Variants in TAF4B observed in about 807,000 individuals in gnomAD.
The protein encoded by TAF4B is transcription initiation factor TFIID subunit 4B.
Under a neutral mutation model 86.4 loss-of-function variants are expected in TAF4B, and 38 were observed. The observed-to-expected ratio is 0.44, with a 90% CI of 0.34 to 0.58. The LOEUF is 0.58. Ranked by LOEUF, TAF4B falls within the 20% of genes least tolerant of loss-of-function variation. The pLI, the probability that TAF4B is intolerant of heterozygous loss-of-function variation, is 0.02. For missense variants in TAF4B, 988 were observed against 1,027.6 expected, an observed-to-expected ratio of 0.96 and a Z score of 0.53; for synonymous variants, 388 against 391.2, an observed-to-expected ratio of 0.99 and a Z score of 0.10.
intron 1 of TAF4B, among the ~76,000 whole-genome samples, chr18:26,238,053 C>G (rs1040184737): frequency 1.3e-5 from 2 of 152,134 alleles, no homozygotes; most frequent in African/African-American, 4.8e-5. Context: ...CCTCCTAGAC[C>G]ACAAAGAGGA....
At chr18:26,354,425 T>G (rs1323405977) in intron 13 of TAF4B, among the ~76,000 whole-genome samples, 2 of 152,224 alleles carry the variant, frequency 1.3e-5, no homozygotes, top group Non-Finnish European at 2.9e-5. Flanking sequence ...GAATAGACTT[T>G]AATCAGCTCC....
At chr18:26,242,777 C>T (rs891450576) in intron 1 of TAF4B, among the ~76,000 whole-genome samples, 28 of 152,166 alleles carry the variant, frequency 1.8e-4, no homozygotes, top group Non-Finnish European at 1.8e-4. Context: ...TAAGGCAGGC[C>T]TGGTGGTGAC....
intron 9 of TAF4B, among the ~76,000 whole-genome samples, chr18:26,303,926 A>G (rs1332340153): frequency 6.6e-6 from 1 of 152,076 alleles, no homozygotes; most frequent in African/African-American, 2.4e-5. Context: ...GTATAATTTT[A>G]TTTATGCAGA....
chr18:26,388,330 C>T (rs1598848256), intron 14 of TAF4B, among the ~76,000 whole-genome samples: 1 of 152,092 alleles, frequency 6.6e-6, no homozygotes, highest in Admixed American at 6.6e-5. Context: ...GTTGTGTTTT[C>T]ATCATTTTAA....
At chr18:26,274,608 C>G (rs1011326273) in intron 3 of TAF4B, 55 bp from the exon 4 acceptor site, 2 of 1,588,860 alleles carry the variant, frequency 1.3e-6, no homozygotes, top group African/African-American at 2.7e-5. Context: ...AAATGAGGCA[C>G]CCACTAATGT....
In TAF4B at chr18:26,234,689, T is replaced by G. The variant is rs370949091; in HGVS notation, c.343+7413T>G. Among the ~76,000 whole-genome samples, 7 of 152,304 alleles carry G rather than the reference T, an allele frequency of 4.6e-5. No homozygotes were observed. The East Asian group carries it at 1.2e-3, about 25-fold the overall frequency. ...TAAGGGGACTTCTAAGAGATCCTCT[T>G]GGGTGGCGTAAGTCTGGGTCACAAT... On this transcript the variant is annotated intron_variant, in intron 1 of 14. Transcript: ENST00000269142.
Position 26,374,384 on chromosome 18 carries a change from C to T in TAF4B, c.2422-15461C>T, listed in dbSNP as rs150079912. ...CTATAATTTAGAGTACTATTACTCT[C>T]CTTAAGTTGTAGTATTCTCACAGGA... On this transcript the variant is annotated intron_variant, in intron 14 of 14. Transcript: ENST00000269142. Among the ~76,000 whole-genome samples the T allele has an allele frequency of 3.2e-4, 48 of 152,312 alleles. No individual in the cohort carries two copies. In the East Asian group the frequency reaches 8.9e-3, roughly 28 times the overall value.
intron 2 of TAF4B, among the ~76,000 whole-genome samples, chr18:26,265,803 T>C (rs1488274099): frequency 6.6e-6 from 1 of 152,172 alleles, no homozygotes; most frequent in African/African-American, 2.4e-5. Flanking sequence ...ATGACAGTCC[T>C]CTTAGCCTCC....
chr18:26,344,295 A>G (rs974162493), intron 13 of TAF4B, among the ~76,000 whole-genome samples: 1 of 151,994 alleles, frequency 6.6e-6, no homozygotes, highest in Non-Finnish European at 1.5e-5. Context: ...AAAGGGACAC[A>G]TCAATAGAAG....
intron 14 of TAF4B, among the ~76,000 whole-genome samples, chr18:26,385,557 A>G (rs1205711659): frequency 7.8e-6 from 1 of 127,582 alleles, no homozygotes; most frequent in African/African-American, 2.5e-5. Context: ...TGGTCGTTTC[A>G]TCTTTCATTT....
intron 5 of TAF4B, among the ~76,000 whole-genome samples, chr18:26,279,329 A>G (rs2056418819): frequency 6.6e-6 from 1 of 152,216 alleles, no homozygotes; most frequent in Non-Finnish European, 1.5e-5. Context: ...GAGGTGAAAG[A>G]TGTCTGCAAG....
chr18:26,335,254 C>T (rs1192268591), intron 13 of TAF4B, 23 bp downstream of exon 13: 2 of 1,608,178 alleles, frequency 1.2e-6, no homozygotes. Context: ...AGTTACCATG[C>T]TTGTCTTTGT....
Position 26,391,545 on chromosome 18 carries a change from A to T in TAF4B, c.*1533A>T, listed in dbSNP as rs952188361. Reference sequence around the variant, plus strand: ...AGGAGTACTTTAAGAAGAGATCTTTATCCAAAGTTGTTTTTGTATATTTAA... The same window carrying T: ...AGGAGTACTTTAAGAAGAGATCTTTTTCCAAAGTTGTTTTTGTATATTTAA... On this transcript the variant is annotated 3_prime_UTR_variant, in exon 15 of 15. Transcript: ENST00000269142. 6.6e-6 allele frequency: 1 copy of T among 152,162 alleles called. No homozygotes were observed. The highest frequency in any genetic ancestry group is 1.5e-5 in the Non-Finnish European group (1 of 68,012). 9.4% of individuals were successfully genotyped at this position (152,162 alleles called of 1,614,324 possible). A position where few individuals can be genotyped will look rare whatever the true frequency, so the allele number is the denominator to read the frequency against.
At chr18:26,282,328 A>C (rs1010135424) in intron 6 of TAF4B, among the ~76,000 whole-genome samples, 8 of 152,228 alleles carry the variant, frequency 5.3e-5, no homozygotes, top group African/African-American at 1.9e-4. Context: ...CAGACATACC[A>C]CAGAGGTACT....
At chr18:26,287,541 G>A (rs1156289272) in intron 7 of TAF4B, among the ~76,000 whole-genome samples, 3 of 152,168 alleles carry the variant, frequency 2.0e-5, no homozygotes, top group African/African-American at 7.2e-5. Context: ...AGAAGGCTAT[G>A]AAAGTATTGT....
rs188809741 is a variant in TAF4B, at chr18:26,301,342, A to G, written c.1832+7811A>G. ...TGCTCTGTTGCCCAGGCTGAAGTACAGTGGCACAATCATAGCTCACTGCAG... is the reference window on the plus strand; with the variant it reads ...TGCTCTGTTGCCCAGGCTGAAGTACGGTGGCACAATCATAGCTCACTGCAG... On this transcript the variant is annotated intron_variant, in intron 9 of 14. Coordinates refer to ENST00000269142, the MANE Select transcript of TAF4B (RefSeq NM_005640.3). Among the ~76,000 whole-genome samples, 99 of 151,416 alleles carry G rather than the reference A, an allele frequency of 6.5e-4. 2 individuals carry two copies. The highest frequency in any genetic ancestry group is 6.2e-3 in the Admixed American group (95 of 15,212).
At chr18:26,311,084 A>T (rs754091188) in intron 9 of TAF4B, among the ~76,000 whole-genome samples, 1 of 152,110 alleles carries the variant, frequency 6.6e-6, no homozygotes, top group South Asian at 2.1e-4. Context: ...GTTTCATACT[A>T]GGAAAAAAGC....
At chr18:26,319,554 GC>G (rs1310929122) in intron 10 of TAF4B, among the ~76,000 whole-genome samples, 2 of 150,714 alleles carry the variant, frequency 1.3e-5, no homozygotes, top group African/African-American at 2.4e-5. Flanking sequence ...TTTATAGAAG[GC>G]CCCACTATTT....
intron 12 of TAF4B, among the ~76,000 whole-genome samples, chr18:26,329,060 T>C (rs2057030498): frequency 6.6e-6 from 1 of 152,104 alleles, no homozygotes; most frequent in South Asian, 2.1e-4. Context: ...TCTTTCTCTT[T>C]CCTTTTCTTT....
Sources: gnomAD v4.1 joint callset for allele counts (sites outside exome capture counted in the v4.1 genomes callset) on GRCh38, gnomAD v4.1.1 for gene constraint, MANE v1.5 for transcripts, NCBI Gene and HGNC (gene_info 2026-07-23, HGNC 2026-07-21) for gene names.